Variants in RAPGEF5 observed in about 807,000 individuals in gnomAD.
The protein encoded by RAPGEF5 is Rap guanine nucleotide exchange factor 5, also known as M-Ras-regulated GEF.
RAPGEF5 carries 65 observed loss-of-function variants against 125.2 expected under a neutral mutation model. The ratio of observed to expected loss-of-function variants is 0.52; its 90% CI spans 0.43 to 0.64. The LOEUF is 0.64. Ranked by LOEUF, RAPGEF5 falls within the 30% of genes least tolerant of loss-of-function variation. RAPGEF5 has a pLI of 0.00. For synonymous variants in RAPGEF5, 391 were observed against 385.9 expected, an observed-to-expected ratio of 1.01 and a Z score of -0.16; for missense variants, 958 against 1,048.1, an observed-to-expected ratio of 0.91 and a Z score of 1.19.
At chr7:22,279,376 A>G (rs1782624884) in intron 6 of RAPGEF5, among the ~76,000 whole-genome samples, 1 of 152,334 alleles carries the variant, frequency 6.6e-6, no homozygotes, top group South Asian at 2.1e-4. Context: ...TTAATTTTTC[A>G]TGATTGGCAT....
intron 1 of RAPGEF5, among the ~76,000 whole-genome samples, chr7:22,334,541 T>C (rs1316371021): frequency 1.3e-5 from 2 of 152,118 alleles, no homozygotes; most frequent in East Asian, 1.9e-4. Context: ...AAAGAAGAGA[T>C]TGTGGCATAG....
chr7:22,198,795 A>G (rs1785209827), intron 9 of RAPGEF5, among the ~76,000 whole-genome samples: 1 of 152,224 alleles, frequency 6.6e-6, no homozygotes, highest in Non-Finnish European at 1.5e-5. Flanking sequence ...CCTAATCACT[A>G]TAATGATCCT....
rs575132776 is a variant in RAPGEF5 at position 22,249,295 on chromosome 7, C to T, written c.796+17669G>A. ...CAACCTCAGCGTCCCAGGTTTCAAG[C>T]AATTCTCCCACCTCAGCCTCCTGAG... On this transcript the variant is annotated intron_variant, in intron 7 of 25. Transcript: ENST00000665637. 3.9e-5 allele frequency among the ~76,000 whole-genome samples: 6 copies of T among 152,226 alleles called. No individual in the cohort carries two copies. The South Asian group carries it at 1.2e-3, about 32-fold the overall frequency.
chr7:22,211,963 C>CTTTTT (rs749576250), intron 9 of RAPGEF5, among the ~76,000 whole-genome samples: 9 of 114,342 alleles, frequency 7.9e-5, no homozygotes, highest in South Asian at 3.1e-4. Flanking sequence ...CATGTGTTCT[C>CTTTTT]TTTTTTTTTT....
Position 22,128,562 on chromosome 7 carries a change from A to G in RAPGEF5, c.2481+2475T>C, listed in dbSNP as rs184197255. 3.8e-3 allele frequency among the ~76,000 whole-genome samples: 581 copies of G among 152,352 alleles called. 2 individuals are homozygous for G. The highest frequency in any genetic ancestry group is 8.8e-3 in the Admixed American group (134 of 15,306). ...GAAACCCAGTCCTTTACTAAGAAATATTCCTTGAAAATAGTGTTTCTCCTA... is the reference window on the plus strand; with the variant it reads ...GAAACCCAGTCCTTTACTAAGAAATGTTCCTTGAAAATAGTGTTTCTCCTA... On this transcript the variant is annotated intron_variant, in intron 24 of 25. Transcript: ENST00000665637.
rs147529889 is a variant in RAPGEF5 at position 22,137,777 on chromosome 7, T to C, written c.2278-794A>G. Among the ~76,000 whole-genome samples the C allele has an allele frequency of 1.0e-3, 152 of 152,294 alleles. 1 individual carries two copies. Among genetic ancestry groups the C allele is most frequent in the African/African-American group, 3.6e-3 (149 of 41,558 alleles). On this transcript the variant is annotated intron_variant, in intron 21 of 25. Coordinates refer to ENST00000665637, the MANE Select transcript of RAPGEF5 (RefSeq NM_012294.5). ...GGATGTAGAGACCACTCATGAAAAG[T>C]ACACGGTCCTTGGCTGGTACTTAAC...
intron 8 of RAPGEF5, among the ~76,000 whole-genome samples, chr7:22,227,857 C>T (rs923663422): frequency 6.6e-5 from 10 of 152,062 alleles, no homozygotes; most frequent in African/African-American, 2.4e-4. Flanking sequence ...ATCAATCAGT[C>T]AATTAATAAC....
At position 22,120,959 on chromosome 7, in the gene RAPGEF5, G is replaced by A. The variant is rs1171285636; in HGVS notation, c.*1447C>T. On this transcript the variant is annotated 3_prime_UTR_variant, in exon 26 of 26. Coordinates refer to ENST00000665637, the MANE Select transcript of RAPGEF5 (RefSeq NM_012294.5). The surrounding 1 kb of genome is among the most constrained non-coding windows in gnomAD (Gnocchi z 4.0). The stretch of plus-strand genomic sequence containing the variant: ...GAAACAGGTCTGTGTGGGCATGAAA[G>A]AGATGAACAGGCAGGAAGAGTGAGA... The A allele has an allele frequency of 6.6e-6, 1 of 152,272 alleles. No individual in the cohort carries two copies. The highest frequency in any genetic ancestry group is 1.5e-5 in the Non-Finnish European group (1 of 68,094). The allele number at this position is 152,272 out of a possible 1,614,324, so 9.4% of individuals were successfully genotyped here. A position where few individuals can be genotyped will look rare whatever the true frequency, so the allele number is the denominator to read the frequency against.
intron 11 of RAPGEF5, among the ~76,000 whole-genome samples, chr7:22,174,556 C>G (rs1784448016): frequency 6.6e-6 from 1 of 152,156 alleles, no homozygotes; most frequent in Non-Finnish European, 1.5e-5. Flanking sequence ...TGTGGACATG[C>G]AAGTTGGTAA....
intron 18 of RAPGEF5, 139 bp from the exon 19 acceptor site, chr7:22,147,158 T>C: frequency 8.8e-7 from 1 of 1,142,654 alleles, no homozygotes; most frequent in South Asian, 1.5e-5. Context: ...CCTGGTCTGT[T>C]CACCTTCAGT....
intron 7 of RAPGEF5, among the ~76,000 whole-genome samples, chr7:22,251,458 G>T (rs2128138354): frequency 6.6e-6 from 1 of 152,250 alleles, no homozygotes; most frequent in Admixed American, 6.5e-5. Context: ...GATTCATCTG[G>T]GAAGCAGCTT....
At chr7:22,227,066 G>A (rs1362592699) in intron 8 of RAPGEF5, among the ~76,000 whole-genome samples, 1 of 151,412 alleles carries the variant, frequency 6.6e-6, no homozygotes, top group African/African-American at 2.4e-5. Flanking sequence ...AATTGAAAAA[G>A]TAAGGGGTTC....
At position 22,119,512 on chromosome 7, in the gene RAPGEF5, ATTT is replaced by A. The variant is rs986449096; in HGVS notation, c.*2891_*2893del. ...CCTGCAAATGTGTATGTAAAACAAA[ATTT>A]TTTTTAATAGCAAGGTTGTGATTTT... On this transcript the variant is annotated 3_prime_UTR_variant, in exon 26 of 26. Transcript: ENST00000665637. This position sits in a 1 kb window ranked among gnomAD's most constrained non-coding sequence, Gnocchi z 4.1. 2 of 152,060 alleles carry A rather than the reference ATTT, an allele frequency of 1.3e-5. No homozygotes were observed. Among genetic ancestry groups the A allele is most frequent in the Non-Finnish European group, 2.9e-5 (2 of 67,998 alleles). The allele number at this position is 152,060 out of a possible 1,614,324, so 9.4% of individuals were successfully genotyped here. A position where few individuals can be genotyped will look rare whatever the true frequency, so the allele number is the denominator to read the frequency against.
chr7:22,160,020 A>G (rs948668204), intron 14 of RAPGEF5, among the ~76,000 whole-genome samples: 2 of 152,148 alleles, frequency 1.3e-5, no homozygotes, highest in African/African-American at 4.8e-5. Flanking sequence ...GAGGCACGAA[A>G]ATCGCTCGAA....
intron 9 of RAPGEF5, among the ~76,000 whole-genome samples, chr7:22,219,208 G>A (rs147527980): frequency 2.0e-5 from 3 of 152,134 alleles, no homozygotes; most frequent in African/African-American, 7.2e-5. Flanking sequence ...CAAGAAAGTG[G>A]TCCCATTGTC....
chr7:22,128,146 G>C (rs1457682986), intron 24 of RAPGEF5, among the ~76,000 whole-genome samples: 1 of 152,172 alleles, frequency 6.6e-6, no homozygotes, highest in African/African-American at 2.4e-5. Flanking sequence ...TGAAACCTGA[G>C]TTCTGGTCTT....
At chr7:22,329,023 G>A (rs889170204) in intron 1 of RAPGEF5, among the ~76,000 whole-genome samples, 4 of 152,176 alleles carry the variant, frequency 2.6e-5, no homozygotes, top group Non-Finnish European at 5.9e-5. Flanking sequence ...TGCTCTGTAA[G>A]CTCCAAGAGC....
intron 12 of RAPGEF5, among the ~76,000 whole-genome samples, chr7:22,164,413 GAAAA>G (rs10532889): frequency 0.95 from 143,713 of 152,004 alleles, 68,118 homozygotes; most frequent in East Asian, 0.99. Flanking sequence ...CTAATATAAA[GAAAA>G]GAAATCAAGA....
chr7:22,154,692 T>A, intron 16 of RAPGEF5, 88 bp from the exon 17 acceptor site: 1 of 1,460,046 alleles, frequency 6.8e-7, no homozygotes, highest in South Asian at 1.3e-5. Flanking sequence ...TGATCAACTT[T>A]TCTAAATCAA....
Sources: allele counts gnomAD v4.1 joint callset (sites outside exome capture counted in the v4.1 genomes callset), GRCh38; gene constraint gnomAD v4.1.1; non-coding constraint Gnocchi (gnomAD v3.1); transcripts MANE v1.5; gene names NCBI Gene and HGNC (gene_info 2026-07-23, HGNC 2026-07-21).